Variants in NOS1AP observed in about 807,000 individuals in gnomAD.
The protein encoded by NOS1AP is carboxyl-terminal PDZ ligand of neuronal nitric oxide synthase protein.
NOS1AP carries 21 observed loss-of-function variants against 56.2 expected under a neutral mutation model. That is an observed-to-expected ratio of 0.37 (90% CI 0.26 to 0.54). NOS1AP has a LOEUF of 0.54. Among genes scored for constraint, NOS1AP ranks in the 20% least tolerant of loss-of-function variants. The probability of loss-of-function intolerance (pLI) is 0.84; values close to 1 mark genes in which losing one functional copy is unlikely to be tolerated. For missense variants in NOS1AP, 522 were observed against 657.8 expected (o/e 0.79, Z 2.26); for synonymous variants, 270 against 274.6 (o/e 0.98, Z 0.17).
intron 1 of NOS1AP, among the ~76,000 whole-genome samples, chr1:162,129,828 A>T (rs989406348): frequency 3.3e-5 from 5 of 152,212 alleles, no homozygotes; most frequent in African/African-American, 1.2e-4. Context: ...TGCAGAGCTT[A>T]TGACACAGCT....
intron 2 of NOS1AP, among the ~76,000 whole-genome samples, chr1:162,159,864 A>G (rs1339636958): frequency 6.6e-6 from 1 of 152,104 alleles, no homozygotes; most frequent in Non-Finnish European, 1.5e-5. Context: ...TTTTTTAAGG[A>G]TACTGGTGTG....
chr1:162,102,512 G>C (rs1558099319), intron 1 of NOS1AP, among the ~76,000 whole-genome samples: 2 of 152,188 alleles, frequency 1.3e-5, no homozygotes, highest in South Asian at 4.1e-4. Flanking sequence ...AATAGTTTCA[G>C]TAGTTTCAGT....
rs1571000572 is a variant in NOS1AP, at chr1:162,089,218, C to T, written c.105+18936C>T. The stretch of plus-strand genomic sequence containing the variant: ...ATAGATGTAAACATACTTGTGTGTT[C>T]ATACTGATATTTCCAATATCTTAAC... On this transcript the variant is annotated intron_variant, in intron 1 of 9. Transcript: ENST00000361897. 3.9e-5 allele frequency among the ~76,000 whole-genome samples: 6 copies of T among 152,284 alleles called. No homozygotes were observed. In the South Asian group the frequency reaches 1.2e-3, roughly 32 times the overall value.
intron 2 of NOS1AP, among the ~76,000 whole-genome samples, chr1:162,202,021 G>A (rs190628920): frequency 2.0e-5 from 3 of 152,192 alleles, no homozygotes; most frequent in Non-Finnish European, 4.4e-5. Context: ...GTGGAGAAAC[G>A]GATTTTAATC....
intron 2 of NOS1AP, among the ~76,000 whole-genome samples, chr1:162,214,229 G>T (rs1039197842): frequency 7.2e-5 from 11 of 152,038 alleles, no homozygotes; most frequent in Admixed American, 1.3e-4. Context: ...TTTAACATTT[G>T]TTCCTTTGTT....
At chr1:162,329,289 A>G (rs1656688449) in intron 4 of NOS1AP, among the ~76,000 whole-genome samples, 1 of 152,114 alleles carries the variant, frequency 6.6e-6, no homozygotes, top group Non-Finnish European at 1.5e-5. Flanking sequence ...GCTACTCAGG[A>G]GGCTGAAGCA....
At chr1:162,278,791 G>A (rs1654827891) in intron 2 of NOS1AP, among the ~76,000 whole-genome samples, 1 of 152,040 alleles carries the variant, frequency 6.6e-6, no homozygotes, top group Non-Finnish European at 1.5e-5. Flanking sequence ...CATAATGGAT[G>A]TGTATATTTT....
intron 4 of NOS1AP, among the ~76,000 whole-genome samples, chr1:162,312,660 T>C (rs1656079963): frequency 6.6e-6 from 1 of 151,402 alleles, no homozygotes; most frequent in Non-Finnish European, 1.5e-5. Flanking sequence ...TCCTTGCCCA[T>C]GCCTATGTCC....
intron 5 of NOS1AP, among the ~76,000 whole-genome samples, chr1:162,339,337 T>C (rs1657032176): frequency 6.6e-6 from 1 of 152,164 alleles, no homozygotes; most frequent in Non-Finnish European, 1.5e-5. Flanking sequence ...AAAGCACTTT[T>C]ATGGGCTTAT....
At chr1:162,189,386 T>C (rs1651546290) in intron 2 of NOS1AP, among the ~76,000 whole-genome samples, 1 of 152,238 alleles carries the variant, frequency 6.6e-6, no homozygotes, top group African/African-American at 2.4e-5. Context: ...TTTTTGTTAG[T>C]AGTCTGTTAA....
At chr1:162,242,090 T>C (rs1044267323) in intron 2 of NOS1AP, among the ~76,000 whole-genome samples, 2 of 152,202 alleles carry the variant, frequency 1.3e-5, no homozygotes, top group African/African-American at 4.8e-5. Flanking sequence ...CTTCCTTCAT[T>C]CATCATCTAT....
At chr1:162,316,250 G>C (rs1387210549) in intron 4 of NOS1AP, among the ~76,000 whole-genome samples, 1 of 152,178 alleles carries the variant, frequency 6.6e-6, no homozygotes, top group Non-Finnish European at 1.5e-5. Flanking sequence ...TCTAATAGAA[G>C]ATAACAAGCA....
intron 2 of NOS1AP, among the ~76,000 whole-genome samples, chr1:162,175,837 C>T (rs1209736544): frequency 2.6e-5 from 4 of 152,190 alleles, no homozygotes; most frequent in Admixed American, 2.0e-4. Flanking sequence ...TCCTCCCTTG[C>T]TTATCTGTAA....
At chr1:162,302,868 G>T (rs1240544628) in intron 4 of NOS1AP, among the ~76,000 whole-genome samples, 1 of 152,072 alleles carries the variant, frequency 6.6e-6, no homozygotes, top group East Asian at 1.9e-4. Flanking sequence ...TTCTGTTATT[G>T]ATGAGTTTGC....
At chr1:162,337,087 A>G (rs1321159989) in intron 5 of NOS1AP, among the ~76,000 whole-genome samples, 2 of 152,154 alleles carry the variant, frequency 1.3e-5, no homozygotes, top group Non-Finnish European at 2.9e-5. Flanking sequence ...TCTCCCGTGG[A>G]GTGGATGTCA....
chr1:162,146,300 G>T (rs77314001), intron 1 of NOS1AP, among the ~76,000 whole-genome samples: 10 of 151,876 alleles, frequency 6.6e-5, no homozygotes, highest in African/African-American at 2.2e-4. Flanking sequence ...CCTCTGAGGT[G>T]GGGAGCAGTT....
intron 1 of NOS1AP, among the ~76,000 whole-genome samples, chr1:162,106,984 A>G (rs1176985966): frequency 6.8e-6 from 1 of 146,866 alleles, no homozygotes; most frequent in Non-Finnish European, 1.5e-5. Flanking sequence ...CACTATTTGT[A>G]GTAGCAAAAA....
At chr1:162,314,767 T>C (rs1235205920) in intron 4 of NOS1AP, among the ~76,000 whole-genome samples, 1 of 152,208 alleles carries the variant, frequency 6.6e-6, no homozygotes, top group Non-Finnish European at 1.5e-5. Flanking sequence ...GGAGAATTCA[T>C]GTACCCCAGA....
intron 1 of NOS1AP, among the ~76,000 whole-genome samples, chr1:162,071,991 T>TA (rs1297353767): frequency 1.3e-5 from 2 of 151,744 alleles, no homozygotes; most frequent in African/African-American, 4.8e-5. Context: ...GCCCAGGAGT[T>TA]AGAGACTGCA....
Sources: gnomAD v4.1 joint callset for allele counts (sites outside exome capture counted in the v4.1 genomes callset) on GRCh38, gnomAD v4.1.1 for gene constraint, MANE v1.5 for transcripts, NCBI Gene and HGNC (gene_info 2026-07-23, HGNC 2026-07-21) for gene names.